MYO9A: variants seen among roughly 807,000 people sequenced by gnomAD.
MYO9A encodes unconventional myosin-IXa.
MYO9A carries 103 observed loss-of-function variants against 293.3 expected under a neutral mutation model. The ratio of observed to expected loss-of-function variants is 0.35; its 90% CI spans 0.30 to 0.41. The LOEUF is 0.41. MYO9A is among the 10% of genes least tolerant of loss of function. The pLI is 1.00. For synonymous variants in MYO9A, 1,001 were observed against 1,035.7 expected, an observed-to-expected ratio of 0.97 and a Z score of 0.64; for missense variants, 2,685 against 3,033.0, an observed-to-expected ratio of 0.89 and a Z score of 2.69.
intron 26 of MYO9A, 26 bp downstream of exon 26, chr15:71,893,653 T>C (rs1248224745): frequency 3.9e-6 from 6 of 1,543,148 alleles, no homozygotes; most frequent in African/African-American, 2.7e-5. Flanking sequence ...GTATAGAAGA[T>C]AGATAAACAA....
chr15:71,849,929 A>T, intron 38 of MYO9A, 107 bp downstream of exon 38: 1 of 952,948 alleles, frequency 1.0e-6, no homozygotes, highest in South Asian at 1.9e-5. Flanking sequence ...ATCTTCTTAA[A>T]AACACCTGAA....
rs552896560 is a variant in MYO9A, at chr15:71,922,811, T to C, written c.2563-6319A>G. Among the ~76,000 whole-genome samples the C allele has an allele frequency of 3.9e-5, 6 of 152,342 alleles. No individual in the cohort carries two copies. In the South Asian group the frequency reaches 1.2e-3, roughly 32 times the overall value. ...TATCAAGCACTAAATAATTGATAATTACTAATGTACTTAACATTAGGTAAT... is the reference window on the plus strand; with the variant it reads ...TATCAAGCACTAAATAATTGATAATCACTAATGTACTTAACATTAGGTAAT... On this transcript the variant is annotated intron_variant, in intron 18 of 41. Transcript: ENST00000356056.
rs923999109 is a variant in MYO9A at position 71,938,920 on chromosome 15, G to A, written c.2310C>T (p.Thr770=). The change falls in exon 16 of 42, where the codon ACC becomes ACT. Residue 770 remains threonine (T), a synonymous_variant. Transcript: ENST00000356056. Reference sequence around the variant, plus strand: ...AAAGAGGTGTTCTGGGATTTTTCCGGGTTATACCTAGCAAAATTTAAAAAA... The same window carrying A: ...AAAGAGGTGTTCTGGGATTTTTCCGAGTTATACCTAGCAAAATTTAAAAAA... ...QRCKEEKYSI[T]RKNPRTPLSD... is the part of the protein sequence containing the mutation. 6.2e-7 allele frequency: 1 copy of A among 1,606,218 alleles called. No homozygotes were observed. Among genetic ancestry groups the A allele is most frequent in the Non-Finnish European group, 8.5e-7 (1 of 1,177,064 alleles).
At chr15:72,038,664 C>G (rs757338615) in intron 2 of MYO9A, among the ~76,000 whole-genome samples, 1 of 152,132 alleles carries the variant, frequency 6.6e-6, no homozygotes, top group African/African-American at 2.4e-5. Flanking sequence ...AAACAGCCAT[C>G]TTAGACTAAG....
Position 71,970,963 on chromosome 15 carries a change from C to A in MYO9A, c.1845-2838G>T, listed in dbSNP as rs562108328. Among the ~76,000 whole-genome samples, 9 of 151,564 alleles carry A rather than the reference C, an allele frequency of 5.9e-5. No homozygotes were observed. The South Asian group carries it at 1.9e-3, about 32-fold the overall frequency. ...CACAAGGTCAGGAGGTCGAGACCAT[C>A]CTGGCTAACACAGTGAAACCCCATC... On this transcript the variant is annotated intron_variant, in intron 12 of 41. Transcript: ENST00000356056.
In MYO9A at chr15:72,074,984, G is replaced by C. The variant is rs1428873839; in HGVS notation, c.-71-28350C>G. On this transcript the variant is annotated intron_variant, in intron 1 of 41. Transcript: ENST00000356056. ...TTTTTTTTTTTTTTTTTTTTCTTGAGACAGAGTTTTGCTCTTGTTGCCCAG... is the reference window on the plus strand; with the variant it reads ...TTTTTTTTTTTTTTTTTTTTCTTGACACAGAGTTTTGCTCTTGTTGCCCAG... Among the ~76,000 whole-genome samples the C allele has an allele frequency of 6.0e-5, 3 of 49,706 alleles. No homozygotes were observed. In the East Asian group the frequency reaches 3.6e-3, roughly 60 times the overall value. 32.6% of individuals were successfully genotyped at this position (49,706 alleles called of 152,430 possible).
intron 26 of MYO9A, chr15:71,892,226 T>C (rs2057198039): frequency 6.6e-6 from 1 of 152,256 alleles, no homozygotes; most frequent in Non-Finnish European, 1.5e-5. Context: ...GGTGCAGCTT[T>C]ATTCAAACAC....
chr15:71,862,723 G>C, intron 32 of MYO9A, 112 bp from the exon 33 acceptor site: 1 of 619,904 alleles, frequency 1.6e-6, no homozygotes, highest in South Asian at 2.2e-5. Context: ...ACTAATTCCA[G>C]GGGGACAATT....
intron 1 of MYO9A, among the ~76,000 whole-genome samples, chr15:72,057,796 CAT>C (rs2078763592): frequency 6.6e-6 from 1 of 152,220 alleles, no homozygotes; most frequent in Admixed American, 6.5e-5. Flanking sequence ...ATCTTATCAA[CAT>C]ATTTGAGCCA....
At chr15:71,991,478 T>C (rs60040582) in intron 10 of MYO9A, among the ~76,000 whole-genome samples, 284 of 152,202 alleles carry the variant, frequency 1.9e-3, no homozygotes, top group African/African-American at 6.4e-3. Context: ...ATTACAGAAA[T>C]ATGTGAAGCA....
intron 14 of MYO9A, 68 bp downstream of exon 14, chr15:71,959,833 G>A: frequency 7.5e-7 from 1 of 1,331,728 alleles, no homozygotes. Flanking sequence ...TCCTTTTTGT[G>A]GAGAAGTAGA....
Position 72,002,144 on chromosome 15 carries a change from G to A in MYO9A, c.1381-2204C>T, listed in dbSNP as rs188746748. ...TCACAAGTACTCAGGAGGCTGAGGC[G>A]GGAAGATTGTTTGAGCCCAGGAGAT... On this transcript the variant is annotated intron_variant, in intron 8 of 41. Coordinates refer to ENST00000356056, the MANE Select transcript of MYO9A (RefSeq NM_006901.4). Among the ~76,000 whole-genome samples, 10 of 152,108 alleles carry A rather than the reference G, an allele frequency of 6.6e-5. 1 individual carries two copies. Among genetic ancestry groups the A allele is most frequent in the African/African-American group, 9.6e-5 (4 of 41,494 alleles).
At chr15:71,996,768 C>T (rs1396688612) in intron 9 of MYO9A, among the ~76,000 whole-genome samples, 2 of 152,038 alleles carry the variant, frequency 1.3e-5, no homozygotes, top group Non-Finnish European at 2.9e-5. Flanking sequence ...CTCACTACCG[C>T]AGCCTCCGAA....
chr15:71,867,039 A>G (rs1168715098), intron 32 of MYO9A, among the ~76,000 whole-genome samples: 1 of 151,904 alleles, frequency 6.6e-6, no homozygotes, highest in Non-Finnish European at 1.5e-5. Flanking sequence ...CCTTGGCAAC[A>G]GAGTGAGACT....
At chr15:71,930,547 A>G (rs2058447741) in intron 18 of MYO9A, among the ~76,000 whole-genome samples, 2 of 151,884 alleles carry the variant, frequency 1.3e-5, no homozygotes, top group Admixed American at 6.6e-5. Context: ...TTTGCGTGGG[A>G]TACTTTTTTC....
At position 71,899,882 on chromosome 15, in the gene MYO9A, T is replaced by A. The variant is rs777665249; in HGVS notation, c.3275A>T (p.Gln1092Leu). Residue 1092 changes from glutamine to leucine, a missense_variant, in exon 24 of 42, where the codon CAG becomes CTG. This residue lies in a region of MYO9A where 1,434 missense variants were observed against 1,497.7 expected (regional missense o/e 0.96). Transcript: ENST00000356056. ...QASWRAHLER[Q>L]RYLELRAAAI... The stretch of plus-strand genomic sequence containing the variant: ...TGCAGCCCGTAACTCCAAGTACCGC[T>A]GCCTCTCTAAGTGAGCACGCCAGGA... 3 of 1,613,996 alleles carry A rather than the reference T, an allele frequency of 1.9e-6. No homozygotes were observed. Among genetic ancestry groups the A allele is most frequent in the Non-Finnish European group, 2.5e-6 (3 of 1,180,036 alleles).
chr15:71,942,895 A>C (rs1312225283), intron 15 of MYO9A, among the ~76,000 whole-genome samples: 2 of 152,050 alleles, frequency 1.3e-5, no homozygotes, highest in African/African-American at 2.4e-5. Context: ...TAGTGGGTTC[A>C]GCTTCTATCT....
chr15:71,980,821 G>A (rs2076253033), intron 11 of MYO9A, among the ~76,000 whole-genome samples: 1 of 152,210 alleles, frequency 6.6e-6, no homozygotes. Context: ...CTGGGCTGCA[G>A]AGCGAGACTC....
At chr15:72,021,261 T>C (rs750363202) in intron 4 of MYO9A, among the ~76,000 whole-genome samples, 4 of 152,168 alleles carry the variant, frequency 2.6e-5, no homozygotes, top group Non-Finnish European at 4.4e-5. Context: ...AAAATTCTCT[T>C]CTCCATAAAA....
Sources: gnomAD v4.1 joint callset for allele counts (sites outside exome capture counted in the v4.1 genomes callset) on GRCh38, gnomAD v4.1.1 for gene constraint, gnomAD v4.1.1 regional missense constraint, MANE v1.5 for transcripts, NCBI Gene and HGNC (gene_info 2026-07-23, HGNC 2026-07-21) for gene names.